USP4: variants seen among roughly 807,000 people sequenced by gnomAD.
The protein encoded by USP4 is ubiquitin carboxyl-terminal hydrolase 4.
A neutral mutation model predicts 118.2 loss-of-function variants in USP4; 72 were observed. The ratio of observed to expected loss-of-function variants is 0.61; its 90% confidence interval spans 0.50 to 0.74. The LOEUF (loss-of-function observed/expected upper bound fraction) is 0.74, where lower values mean the gene tolerates loss of function less well. Ranked by LOEUF, USP4 falls within the 30% of genes least tolerant of loss-of-function variation. The probability of loss-of-function intolerance (pLI) is 0.00; values close to 1 mark genes in which losing one functional copy is unlikely to be tolerated. For missense variants in USP4, 1,037 were observed against 1,185.7 expected, an observed-to-expected ratio of 0.87 and a Z score of 1.84; for synonymous variants, 415 against 440.4, an observed-to-expected ratio of 0.94 and a Z score of 0.72.
rs372879845 is a variant in USP4 at position 49,278,437 on chromosome 3, A to G, written c.2748T>C (p.Tyr916=). 101 of 1,613,934 alleles carry G rather than the reference A, an allele frequency of 6.3e-5. No individual in the cohort carries two copies. The highest frequency in any genetic ancestry group is 8.0e-5 in the Non-Finnish European group (94 of 1,179,988). The part of the protein sequence containing the change: ...SEDQIVTKAA[Y]VLFYQRRDDE... Reference sequence around the variant, plus strand: ...CATCTCGACGTTGGTAAAATAGCACATAAGCTGCTTTAGTCTGAAATACAA... The same window carrying G: ...CATCTCGACGTTGGTAAAATAGCACGTAAGCTGCTTTAGTCTGAAATACAA... The change falls in exon 22 of 22, where the codon TAT becomes TAC. Residue 916 remains tyrosine, a synonymous_variant. Coordinates refer to ENST00000265560, the MANE Select transcript of USP4 (RefSeq NM_003363.4).
chr3:49,335,716 CA>C (rs1457463189), intron 1 of USP4, 120 bp from the exon 2 acceptor site: 6 of 1,171,240 alleles, frequency 5.1e-6, no homozygotes, highest in Non-Finnish European at 7.3e-6. Flanking sequence ...CACTAAAAAA[CA>C]CTGTCACAAG....
chr3:49,302,301 A>G, intron 10 of USP4, 83 bp downstream of exon 10: 2 of 1,501,518 alleles, frequency 1.3e-6, no homozygotes, highest in Non-Finnish European at 1.8e-6. Context: ...AACAACACTC[A>G]AAGACCAGAA....
chr3:49,317,391 C>T (rs2047450262), intron 6 of USP4: 1 of 1,045,682 alleles, frequency 9.6e-7, no homozygotes, highest in African/African-American at 1.6e-5. Flanking sequence ...CCTCCTGCTT[C>T]TGGCATAGCT....
chr3:49,327,784 T>C lies in USP4; in HGVS notation c.262A>G (p.Ile88Val). The change falls in exon 3 of 22, where the codon ATT (isoleucine) becomes GTT (valine). Residue 88 changes from isoleucine (I) to valine (V), a missense_variant. Transcript: ENST00000265560. The stretch of plus-strand genomic sequence containing the variant: ...ACCAATACATAGTCCAATTCATCAA[T>C]TAAGTGTTCTTTCAAGGTCTGACTC... The part of the protein sequence containing the change: ...PESQTLKEHL[I>V]DELDYVLVPT... 6.2e-7 allele frequency: 1 copy of C among 1,613,944 alleles called. No individual in the cohort carries two copies. The highest frequency in any genetic ancestry group is 1.1e-5 in the South Asian group (1 of 91,074).
intron 18 of USP4, 46 bp downstream of exon 18, chr3:49,284,420 C>G (rs1295651350): frequency 4.0e-5 from 60 of 1,507,674 alleles, no homozygotes; most frequent in Non-Finnish European, 5.0e-5. Flanking sequence ...AGATCTGAGT[C>G]CTGGGGTGCA....
chr3:49,280,678 C>T (rs936498340), intron 20 of USP4, 66 bp downstream of exon 20: 1 of 1,344,490 alleles, frequency 7.4e-7, no homozygotes, highest in African/African-American at 1.4e-5. Flanking sequence ...ATGCCTGGTC[C>T]ACTGGTGAGA....
At position 49,278,820 on chromosome 3, in the gene USP4, CTG is replaced by C; in HGVS notation, c.2725_2726del (p.Gln909AspfsTer4). 1 of 1,608,450 alleles carries C rather than the reference CTG, an allele frequency of 6.2e-7. No homozygotes were observed. The highest frequency in any genetic ancestry group is 1.1e-5 in the South Asian group (1 of 90,138). ...DSNVSLASEDQIVTKAAYVLF... is the reference protein window; with the variant it reads ...DSNVSLASEDXIVTKAAYVLF... Reference sequence around the variant, plus strand: ...CATATCATGGCCTACTCACCACTATCTGATCCTCAGAGGCCAGGGACACGTTG... The same window carrying C: ...CATATCATGGCCTACTCACCACTATCATCCTCAGAGGCCAGGGACACGTTG... On this transcript the variant is annotated frameshift_variant, in exon 21 of 22. Transcript: ENST00000265560. LOFTEE classifies it high-confidence loss of function.
intron 2 of USP4, among the ~76,000 whole-genome samples, chr3:49,333,856 C>T (rs2047643822): frequency 6.6e-6 from 1 of 151,996 alleles, no homozygotes; most frequent in African/African-American, 2.4e-5. Context: ...CCCATCTCTA[C>T]TAAAAATACA....
intron 13 of USP4, among the ~76,000 whole-genome samples, chr3:49,297,533 C>T (rs1007178191): frequency 6.6e-6 from 1 of 152,112 alleles, no homozygotes; most frequent in Non-Finnish European, 1.5e-5. Flanking sequence ...ACCATCTTCC[C>T]ATCACACAGC....
chr3:49,284,340 G>GT, intron 18 of USP4, 126 bp downstream of exon 18: 3 of 1,037,686 alleles, frequency 2.9e-6, no homozygotes, highest in Non-Finnish European at 2.9e-6. Flanking sequence ...GGATTATGTT[G>GT]TAGGGTTAGC....
At chr3:49,317,239 C>T (rs926845373) in intron 6 of USP4, 62 of 1,539,516 alleles carry the variant, frequency 4.0e-5, no homozygotes, top group Non-Finnish European at 5.0e-5. Context: ...GAACTTACTG[C>T]AAGAGGCAAT....
intron 13 of USP4, among the ~76,000 whole-genome samples, chr3:49,296,023 A>G (rs1308679373): frequency 1.3e-5 from 2 of 152,154 alleles, no homozygotes; most frequent in Non-Finnish European, 2.9e-5. Flanking sequence ...AGCACAGTGT[A>G]CAACACATTA....
In USP4 at chr3:49,277,895, T is replaced by G. The variant is rs1245085817; in HGVS notation, c.*398A>C. The G allele has an allele frequency of 2.6e-6, 1 of 380,686 alleles. No individual in the cohort carries two copies. The highest frequency in any genetic ancestry group is 4.6e-6 in the Non-Finnish European group (1 of 216,034). The allele number at this position is 380,686 out of a possible 1,614,324, so 23.6% of individuals were successfully genotyped here. A position where few individuals can be genotyped will look rare whatever the true frequency, so the allele number is the denominator to read the frequency against. ...TGAGCAGACTACTTGGGGTGACTAG[T>G]ATTGGCATCAGAACCAGAAATCCAG... On this transcript the variant is annotated 3_prime_UTR_variant, in exon 22 of 22. Transcript: ENST00000265560.
chr3:49,291,573 CAAA>C (rs768383989), intron 15 of USP4, among the ~76,000 whole-genome samples: 2 of 46,944 alleles, frequency 4.3e-5, no homozygotes, highest in Admixed American at 2.4e-4. Flanking sequence ...GATTCCGTCT[CAAA>C]AAAAAAAAAA....
intron 2 of USP4, among the ~76,000 whole-genome samples, chr3:49,331,650 G>A (rs958200499): frequency 1.3e-5 from 2 of 152,042 alleles, no homozygotes; most frequent in African/African-American, 4.8e-5. Context: ...AAAAATATTC[G>A]GTATACCATG....
At chr3:49,335,131 G>C (rs2047655933) in intron 2 of USP4, among the ~76,000 whole-genome samples, 1 of 152,038 alleles carries the variant, frequency 6.6e-6, no homozygotes, top group African/African-American at 2.4e-5. Context: ...AAAAAATTCT[G>C]GTTCTTAAAT....
chr3:49,277,863 G>C lies in USP4; in HGVS notation c.*430C>G. On this transcript the variant is annotated 3_prime_UTR_variant, in exon 22 of 22. Coordinates refer to ENST00000265560, the MANE Select transcript of USP4 (RefSeq NM_003363.4). Reference sequence around the variant, plus strand: ...AAAGGGGAGTTTACTTGAGGTTTGGGTTACTGTGAGCAGACTACTTGGGGT... The same window carrying C: ...AAAGGGGAGTTTACTTGAGGTTTGGCTTACTGTGAGCAGACTACTTGGGGT... The C allele has an allele frequency of 2.9e-6, 1 of 340,770 alleles. No homozygotes were observed. The highest frequency in any genetic ancestry group is 4.7e-5 in the Admixed American group (1 of 21,132). 21.1% of individuals were successfully genotyped at this position (340,770 alleles called of 1,614,324 possible).
chr3:49,325,912 T>C (rs977428566), intron 3 of USP4, 67 bp from the exon 4 acceptor site: 23 of 1,576,760 alleles, frequency 1.5e-5, no homozygotes, highest in Non-Finnish European at 8.6e-7. Flanking sequence ...ATGTAGCATA[T>C]CTTATCAGAA....
At chr3:49,301,451 G>A (rs2047261919) in intron 10 of USP4, among the ~76,000 whole-genome samples, 1 of 152,114 alleles carries the variant, frequency 6.6e-6, no homozygotes. Flanking sequence ...ACTTTGGGAG[G>A]CCGAAGCAGG....
Sources: gnomAD v4.1 joint callset for allele counts (sites outside exome capture counted in the v4.1 genomes callset) on GRCh38, gnomAD v4.1.1 for gene constraint, MANE v1.5 for transcripts, NCBI Gene and HGNC (gene_info 2026-07-23, HGNC 2026-07-21) for gene names.